Variants in PREX1 observed in about 807,000 individuals in gnomAD.
The protein encoded by PREX1 is phosphatidylinositol-3,4,5-trisphosphate dependent Rac exchange factor 1, also known as phosphatidylinositol 3,4,5-trisphosphate-dependent Rac exchanger 1 protein.
A neutral mutation model predicts 198.3 loss-of-function variants in PREX1; 41 were observed. That is an observed-to-expected ratio of 0.21 (90% CI 0.16 to 0.27). PREX1 has a LOEUF of 0.27. Ranked by LOEUF, PREX1 falls within the 10% of genes least tolerant of loss-of-function variation. PREX1 has a pLI of 1.00. For missense variants in PREX1, 1,620 were observed against 2,200.7 expected (o/e 0.74, Z 5.28); for synonymous variants, 843 against 887.2 (o/e 0.95, Z 0.89).
chr20:48,845,497 G>A, the PREX1 span, among the ~76,000 whole-genome samples: 1 of 152,164 alleles, frequency 6.6e-6, no homozygotes, highest in Non-Finnish European at 1.5e-5. Context: ...GGGGCCAGGA[G>A]TTTGTGACCA....
chr20:48,807,634 G>A (rs1320896914), intron 1 of PREX1, among the ~76,000 whole-genome samples: 1 of 151,654 alleles, frequency 6.6e-6, no homozygotes, highest in Non-Finnish European at 1.5e-5. Context: ...GGTATCGTGG[G>A]TTTTTATTTT....
chr20:48,690,808 TC>T, intron 9 of PREX1, 138 bp downstream of exon 9: 1 of 1,225,812 alleles, frequency 8.2e-7, no homozygotes. Context: ...GAGCTCCCTG[TC>T]CCTTCAAATA....
At chr20:48,694,555 G>A (rs1180162761) in intron 7 of PREX1, among the ~76,000 whole-genome samples, 1 of 152,206 alleles carries the variant, frequency 6.6e-6, no homozygotes, top group Non-Finnish European at 1.5e-5. Context: ...AGATACGGCA[G>A]AAAATGAACT....
rs202211130 is a variant in PREX1 at position 48,679,759 on chromosome 20, A to G, written c.1436-5T>C. 1.9e-5 allele frequency: 30 copies of G among 1,604,056 alleles called. No homozygotes were observed. The highest frequency in any genetic ancestry group is 2.7e-5 in the African/African-American group (2 of 74,792). On this transcript the variant is annotated splice_polypyrimidine_tract_variant and splice_region_variant and intron_variant, in intron 11 of 39. Coordinates refer to ENST00000371941, the MANE Select transcript of PREX1 (RefSeq NM_020820.4). ...TGAACTGGTGCTTGTCGGAAACTGG[A>G]GAGACAGGAGGACCTGTGACGCTGG...
intron 1 of PREX1, among the ~76,000 whole-genome samples, chr20:48,757,644 C>T (rs756973421): frequency 9.2e-5 from 14 of 152,266 alleles, no homozygotes; most frequent in African/African-American, 2.6e-4. Flanking sequence ...CCTCTGCCCA[C>T]GGTGGGAGCC....
intron 1 of PREX1, among the ~76,000 whole-genome samples, chr20:48,775,404 G>A (rs1401502848): frequency 6.6e-6 from 1 of 152,118 alleles, no homozygotes; most frequent in Non-Finnish European, 1.5e-5. Flanking sequence ...AGACCCAGAT[G>A]AGGTAAGGAG....
intron 3 of PREX1, among the ~76,000 whole-genome samples, chr20:48,739,024 T>C (rs1196139166): frequency 6.6e-6 from 1 of 152,176 alleles, no homozygotes; most frequent in East Asian, 1.9e-4. Flanking sequence ...ACTCCCGTGC[T>C]TAAAACCTGC....
the PREX1 span, among the ~76,000 whole-genome samples, chr20:48,838,571 A>T: frequency 6.6e-6 from 1 of 152,248 alleles, no homozygotes; most frequent in African/African-American, 2.4e-5. Flanking sequence ...GATGTCAAAG[A>T]ATATTTAATA....
intron 1 of PREX1, among the ~76,000 whole-genome samples, chr20:48,800,557 C>T (rs747454424): frequency 7.2e-4 from 109 of 152,280 alleles, no homozygotes; most frequent in African/African-American, 2.5e-3. Context: ...GAGGTGGGAG[C>T]TTTTGTTCCC....
intron 1 of PREX1, among the ~76,000 whole-genome samples, chr20:48,801,044 C>T (rs2090384450): frequency 6.6e-6 from 1 of 152,172 alleles, no homozygotes; most frequent in South Asian, 2.1e-4. Flanking sequence ...AGAGTTCCTG[C>T]CTATCACCAG....
chr20:48,687,154 A>G (rs370420731), intron 10 of PREX1, among the ~76,000 whole-genome samples: 9 of 152,200 alleles, frequency 5.9e-5, no homozygotes, highest in African/African-American at 2.2e-4. Flanking sequence ...TCATGGCTTT[A>G]AAGACCATTT....
intron 14 of PREX1, among the ~76,000 whole-genome samples, chr20:48,668,248 C>T (rs1260806986): frequency 1.3e-5 from 2 of 152,112 alleles, no homozygotes; most frequent in Admixed American, 6.5e-5. Flanking sequence ...AAGCTTGGAG[C>T]GCAGAGGAAC....
At chr20:48,715,841 T>C (rs1025917860) in intron 5 of PREX1, among the ~76,000 whole-genome samples, 18 of 152,162 alleles carry the variant, frequency 1.2e-4, no homozygotes, top group Non-Finnish European at 1.5e-4. Flanking sequence ...TATTAAGTCA[T>C]TTCATCCTCG....
chr20:48,651,129 T>C, intron 22 of PREX1, 74 bp from the exon 23 acceptor site: 6 of 1,545,930 alleles, frequency 3.9e-6, no homozygotes, highest in Non-Finnish European at 5.3e-6. Flanking sequence ...CCACAGTGAC[T>C]CCTGTACTAC....
the PREX1 span, among the ~76,000 whole-genome samples, chr20:48,858,750 A>G: frequency 6.6e-6 from 1 of 152,198 alleles, no homozygotes; most frequent in Non-Finnish European, 1.5e-5. Context: ...CCATCAAATC[A>G]CCATCAGACC....
intron 15 of PREX1, among the ~76,000 whole-genome samples, chr20:48,660,903 A>G (rs1181429065): frequency 6.6e-6 from 1 of 152,224 alleles, no homozygotes; most frequent in African/African-American, 2.4e-5. Flanking sequence ...ATGCTGAGAC[A>G]CTTTAGACCA....
intron 3 of PREX1, among the ~76,000 whole-genome samples, chr20:48,739,652 TCTTA>T (rs1302540915): frequency 1.3e-5 from 2 of 152,182 alleles, no homozygotes; most frequent in South Asian, 2.1e-4. Flanking sequence ...AGCAAGTCTG[TCTTA>T]CTTAGTACAG....
chr20:48,765,818 G>T (rs977640885), intron 1 of PREX1, among the ~76,000 whole-genome samples: 5 of 152,214 alleles, frequency 3.3e-5, no homozygotes, highest in African/African-American at 1.2e-4. Context: ...TGGGCCGTGG[G>T]CTGTTAGGAA....
chr20:48,824,520 T>C (rs2090500428), intron 1 of PREX1, among the ~76,000 whole-genome samples: 1 of 152,234 alleles, frequency 6.6e-6, no homozygotes, highest in African/African-American at 2.4e-5. Flanking sequence ...ATTATCTGTA[T>C]TATTTAATTT....
Sources: gnomAD v4.1 joint callset for allele counts (sites outside exome capture counted in the v4.1 genomes callset) on GRCh38, gnomAD v4.1.1 for gene constraint, MANE v1.5 for transcripts, NCBI Gene and HGNC (gene_info 2026-07-23, HGNC 2026-07-21) for gene names.